The following GCNT2 variants were observed in gnomAD, a reference collection of about 807,000 sequenced individuals.
The protein encoded by GCNT2 is glucosaminyl (N-acetyl) transferase 2 (I blood group), also known as N-acetyllactosaminide beta-1,6-N-acetylglucosaminyl-transferase.
GCNT2 carries 34 observed loss-of-function variants against 34.2 expected under a neutral mutation model. The observed-to-expected ratio is 1.00, with a 90% CI of 0.76 to 1.32. The LOEUF is 1.32. GCNT2 is among the 40% of genes most tolerant of loss of function. The pLI is 0.00. For missense variants in GCNT2, 584 were observed against 489.4 expected, an observed-to-expected ratio of 1.19 and a Z score of -1.82; for synonymous variants, 212 against 188.0, an observed-to-expected ratio of 1.13 and a Z score of -1.04.
At chr6:10,556,152 C>T in intron 3 of GCNT2, 1 of 1,341,690 alleles carries the variant, frequency 7.5e-7, no homozygotes, top group Non-Finnish European at 9.6e-7. Flanking sequence ...AACGGGGAGG[C>T]AGAGGGAGGA....
intron 3 of GCNT2, among the ~76,000 whole-genome samples, chr6:10,620,100 A>G (rs2127443916): frequency 6.6e-6 from 1 of 152,350 alleles, no homozygotes; most frequent in South Asian, 2.1e-4. Context: ...GCTGTGTAAA[A>G]TAACATATTC....
intron 3 of GCNT2, among the ~76,000 whole-genome samples, chr6:10,583,452 T>TG (rs1764210594): frequency 6.6e-6 from 1 of 152,160 alleles, no homozygotes. Context: ...CTGCCACAGT[T>TG]GATCCTTTAG....
At position 10,529,123 on chromosome 6, in the gene GCNT2, A is replaced by C. The variant is rs369482334; in HGVS notation, c.212A>C (p.Glu71Ala). 3.3e-5 allele frequency: 53 copies of C among 1,613,992 alleles called. No homozygotes were observed. In the Middle Eastern group the frequency reaches 8.2e-4, roughly 25 times the overall value. The stretch of plus-strand genomic sequence containing the variant: ...AATGCATTGAAAACTACCCTTGATG[A>C]AGCTACCTGCTATGAGTACATGGTT... Reference protein sequence around the residue: ...TENALKTTLDEATCYEYMVRS... With the variant: ...TENALKTTLDAATCYEYMVRS... The change falls in exon 3 of 5, where the codon GAA becomes GCA. Residue 71 changes from glutamate to alanine, a missense_variant. By Grantham distance (107) the Glu-to-Ala change is moderately radical. Coordinates refer to ENST00000495262, the MANE Select transcript of GCNT2 (RefSeq NM_145649.5).
intron 3 of GCNT2, among the ~76,000 whole-genome samples, chr6:10,606,896 C>T (rs892731474): frequency 2.6e-5 from 4 of 151,560 alleles, no homozygotes; most frequent in Non-Finnish European, 5.9e-5. Context: ...TAGTCCATTC[C>T]CATTGCAATA....
At chr6:10,582,016 ATG>A (rs202146794) in intron 3 of GCNT2, 2,271 of 212,276 alleles carry the variant, frequency 0.011, 27 homozygotes, top group Non-Finnish European at 0.014. Context: ...ATGTGTATAT[ATG>A]TATATATCAT....
At chr6:10,543,245 C>G (rs942363137) in intron 3 of GCNT2, among the ~76,000 whole-genome samples, 1 of 151,102 alleles carries the variant, frequency 6.6e-6, no homozygotes, top group Non-Finnish European at 1.5e-5. Flanking sequence ...GCTCTGTCGC[C>G]CAGGCTGAAG....
At chr6:10,560,249 C>A (rs1762914347) in intron 3 of GCNT2, among the ~76,000 whole-genome samples, 1 of 152,058 alleles carries the variant, frequency 6.6e-6, no homozygotes, top group African/African-American at 2.4e-5. Flanking sequence ...CCATCACGCC[C>A]GGTTAATTTT....
intron 3 of GCNT2, among the ~76,000 whole-genome samples, chr6:10,605,366 G>A (rs1481197181): frequency 2.9e-5 from 4 of 136,544 alleles, no homozygotes; most frequent in Admixed American, 7.6e-5. Flanking sequence ...ACAGTACCAC[G>A]CCTGGCTTTT....
At position 10,626,493 on chromosome 6, in the gene GCNT2, T is replaced by C. The variant is rs1339949178; in HGVS notation, c.1095T>C (p.Ala365=). The C allele has an allele frequency of 6.2e-7, 1 of 1,613,366 alleles. No homozygotes were observed. Among genetic ancestry groups the C allele is most frequent in the Non-Finnish European group, 8.5e-7 (1 of 1,179,266 alleles). ...KWLVNSPSLF[A]NKFELNTYPL... ...TGGTTAATTCACCAAGCCTGTTTGC[T>C]AACAAGTTTGAGCTTAATACCTACC... Residue 365 remains alanine (A), a synonymous_variant, in exon 5 of 5, where the codon GCT becomes GCC. Coordinates refer to ENST00000495262, the MANE Select transcript of GCNT2 (RefSeq NM_145649.5).
At chr6:10,603,008 G>T (rs1765145975) in intron 3 of GCNT2, among the ~76,000 whole-genome samples, 1 of 152,152 alleles carries the variant, frequency 6.6e-6, no homozygotes, top group African/African-American at 2.4e-5. Flanking sequence ...AAATACCTAG[G>T]TCAAGCTGTG....
intron 3 of GCNT2, among the ~76,000 whole-genome samples, chr6:10,582,341 AATAT>A (rs1176797213): frequency 3.7e-5 from 4 of 108,288 alleles, no homozygotes; most frequent in Non-Finnish European, 6.4e-5. Context: ...TATACTATAT[AATAT>A]ATAGTAATAT....
intron 3 of GCNT2, among the ~76,000 whole-genome samples, chr6:10,600,021 G>A (rs57230169): frequency 0.058 from 8,775 of 152,260 alleles, 836 homozygotes; most frequent in African/African-American, 0.2. Flanking sequence ...GGAGAAACCA[G>A]GCACAGGGAG....
intron 3 of GCNT2, among the ~76,000 whole-genome samples, chr6:10,570,229 C>T (rs891049586): frequency 6.6e-5 from 10 of 152,202 alleles, no homozygotes; most frequent in African/African-American, 2.4e-4. Context: ...GCCACGGCAC[C>T]CAGCATGTGG....
intron 3 of GCNT2, among the ~76,000 whole-genome samples, chr6:10,569,883 C>G (rs1217498111): frequency 6.7e-6 from 1 of 149,398 alleles, no homozygotes; most frequent in African/African-American, 2.5e-5. Flanking sequence ...CTTTCTCTTT[C>G]TTTTTCTTTC....
At chr6:10,600,470 G>C (rs983309176) in intron 3 of GCNT2, among the ~76,000 whole-genome samples, 2 of 152,068 alleles carry the variant, frequency 1.3e-5, no homozygotes, top group African/African-American at 4.8e-5. Flanking sequence ...TAGTGGTATA[G>C]AGTCACGCAT....
At position 10,622,742 on chromosome 6, in the gene GCNT2, CTTTTTTTTTTTTTTTTT is replaced by C. The variant is rs36097125; in HGVS notation, c.1018+1311_1018+1327del. 8.1e-5 allele frequency among the ~76,000 whole-genome samples: 6 copies of C among 74,474 alleles called. No homozygotes were observed. In the East Asian group the frequency reaches 3.0e-3, roughly 38 times the overall value. 48.9% of individuals were successfully genotyped at this position (74,474 alleles called of 152,430 possible). On this transcript the variant is annotated intron_variant, in intron 4 of 4. Transcript: ENST00000495262. ...ACTTTGCCTCTACTCCTCAGTCCATCTTTTTTTTTTTTTTTTTTTTTTTTTTTTGAGATGGATTCTCG... is the reference window on the plus strand; with the variant it reads ...ACTTTGCCTCTACTCCTCAGTCCATCTTTTTTTTTTTGAGATGGATTCTCG...
At chr6:10,561,834 G>GC (rs1490939573) in intron 3 of GCNT2, among the ~76,000 whole-genome samples, 5 of 148,994 alleles carry the variant, frequency 3.4e-5, no homozygotes, top group African/African-American at 7.4e-5. Context: ...TTTTTTCAGG[G>GC]CCCTTTTGTC....
At chr6:10,557,136 A>T (rs773541420) in intron 3 of GCNT2, 1 of 1,552,556 alleles carries the variant, frequency 6.4e-7, no homozygotes, top group Non-Finnish European at 8.7e-7. Flanking sequence ...CTGGGCAAAG[A>T]GCTTTCCTAT....
chr6:10,577,528 C>G (rs529809186), intron 3 of GCNT2, among the ~76,000 whole-genome samples: 1 of 152,000 alleles, frequency 6.6e-6, no homozygotes, highest in South Asian at 2.1e-4. Flanking sequence ...TTGTTGAATG[C>G]GTTTATTTTT....
Sources: allele counts gnomAD v4.1 joint callset (sites outside exome capture counted in the v4.1 genomes callset), GRCh38; gene constraint gnomAD v4.1.1; transcripts MANE v1.5; gene names NCBI Gene and HGNC (gene_info 2026-07-23, HGNC 2026-07-21).